NUP98: variants seen among roughly 807,000 people sequenced by gnomAD.
The protein encoded by NUP98 is nucleoporin 98 and 96 precursor.
A neutral mutation model predicts 191.9 loss-of-function variants in NUP98; 26 were observed. The ratio of observed to expected loss-of-function variants is 0.14; its 90% confidence interval spans 0.10 to 0.19. NUP98 has a LOEUF of 0.19. NUP98 is among the 10% of genes least tolerant of loss of function. The probability of loss-of-function intolerance (pLI) is 1.00; values close to 1 mark genes in which losing one functional copy is unlikely to be tolerated. For missense variants in NUP98, 1,941 were observed against 2,178.8 expected, an observed-to-expected ratio of 0.89 and a Z score of 2.17; for synonymous variants, 808 against 778.4, an observed-to-expected ratio of 1.04 and a Z score of -0.63.
At chr11:3,699,951 G>C (rs1351112158) in intron 24 of NUP98, among the ~76,000 whole-genome samples, 1 of 152,078 alleles carries the variant, frequency 6.6e-6, no homozygotes, top group African/African-American at 2.4e-5. Context: ...ACATGGTCAT[G>C]ATAGATGAGA....
At chr11:3,745,224 T>C (rs1366906935) in intron 11 of NUP98, among the ~76,000 whole-genome samples, 1 of 152,214 alleles carries the variant, frequency 6.6e-6, no homozygotes, top group African/African-American at 2.4e-5. Context: ...AACACAATCA[T>C]GTCATCTTTC....
chr11:3,753,327 C>T lies in NUP98; in HGVS notation c.1256G>A (p.Gly419Glu). 6.2e-7 allele frequency: 1 copy of T among 1,613,850 alleles called. No homozygotes were observed. The highest frequency in any genetic ancestry group is 8.5e-7 in the Non-Finnish European group (1 of 1,179,802). The change falls in exon 11 of 33, where the codon GGA becomes GAA. Residue 419 changes from glycine to glutamate, a missense_variant. Gly to Glu is a moderately conservative substitution (Grantham distance 98). Around this residue, in one of 6 missense-constraint regions of NUP98, gnomAD observed 453 missense variants for 438.2 expected, o/e 1.03. Coordinates refer to ENST00000324932, the MANE Select transcript of NUP98 (RefSeq NM_016320.5). ...TAGCAGTTTCTTACCTGTTCCAAAT[C>T]CTGCACCAAGCCCAGTTCCAAGAGT... Reference protein sequence around the residue: ...PGTLGTGLGAGFGTALGAGQA... With the variant: ...PGTLGTGLGAEFGTALGAGQA...
chr11:3,734,372 A>G (rs2079967174), intron 13 of NUP98, among the ~76,000 whole-genome samples: 1 of 152,232 alleles, frequency 6.6e-6, no homozygotes, highest in Non-Finnish European at 1.5e-5. Context: ...ACAACAAAAT[A>G]AAAAGCTGAG....
chr11:3,774,883 C>T (rs1468759340), intron 5 of NUP98, among the ~76,000 whole-genome samples: 1 of 152,128 alleles, frequency 6.6e-6, no homozygotes, highest in Non-Finnish European at 1.5e-5. Flanking sequence ...ACTTCAAATT[C>T]GGGGTTGTAA....
At chr11:3,754,975 TCAAA>T (rs201272172) in intron 10 of NUP98, among the ~76,000 whole-genome samples, 7,433 of 143,292 alleles carry the variant, frequency 0.052, 247 homozygotes, top group Middle Eastern at 0.11. Context: ...TCCATAGGTA[TCAAA>T]CAAAGATCCT....
At chr11:3,706,007 A>G (rs2078847793) in intron 21 of NUP98, among the ~76,000 whole-genome samples, 1 of 151,196 alleles carries the variant, frequency 6.6e-6, no homozygotes, top group Non-Finnish European at 1.5e-5. Flanking sequence ...AAAAAAAAAA[A>G]AAAAAAAAAG....
chr11:3,730,337 A>G (rs1431689720), intron 14 of NUP98, among the ~76,000 whole-genome samples: 2 of 152,032 alleles, frequency 1.3e-5, no homozygotes, highest in Non-Finnish European at 2.9e-5. Flanking sequence ...TAGACTTTCC[A>G]TCTTTGGTGA....
chr11:3,739,732 T>C (rs2080209221), intron 12 of NUP98, among the ~76,000 whole-genome samples: 1 of 152,088 alleles, frequency 6.6e-6, no homozygotes. Flanking sequence ...CTAACAAATT[T>C]CTAGGGGAAA....
chr11:3,693,110 G>A (rs1354907340), intron 27 of NUP98, 122 bp downstream of exon 27: 1 of 926,382 alleles, frequency 1.1e-6, no homozygotes, highest in Admixed American at 2.3e-5. Flanking sequence ...ACTTGGGGAA[G>A]TAGCCTTGTC....
chr11:3,795,459 C>T (rs1308154269), intron 1 of NUP98, among the ~76,000 whole-genome samples: 1 of 151,914 alleles, frequency 6.6e-6, no homozygotes, highest in East Asian at 1.9e-4. Context: ...AATAAATAAA[C>T]AAATAAATGT....
At chr11:3,750,637 T>TG (rs145094842) in intron 11 of NUP98, among the ~76,000 whole-genome samples, 7,658 of 152,092 alleles carry the variant, frequency 0.05, 248 homozygotes, top group Middle Eastern at 0.099. Flanking sequence ...TTTTTTTGTT[T>TG]TTTGTTTTAG....
intron 4 of NUP98, 141 bp downstream of exon 4, chr11:3,778,732 T>C (rs2081842008): frequency 1.3e-6 from 1 of 747,768 alleles, no homozygotes; most frequent in South Asian, 1.8e-5. Context: ...TTTCAGTACA[T>C]ATTGAAGTTT....
At chr11:3,710,665 G>A (rs1027066467) in intron 20 of NUP98, among the ~76,000 whole-genome samples, 2 of 152,146 alleles carry the variant, frequency 1.3e-5, no homozygotes, top group Admixed American at 6.5e-5. Context: ...AACGGCACAA[G>A]TAGTTTCCCC....
chr11:3,725,617 A>G (rs2079586411), intron 14 of NUP98, among the ~76,000 whole-genome samples: 1 of 152,194 alleles, frequency 6.6e-6, no homozygotes, highest in Admixed American at 6.5e-5. Context: ...CTGTCTCACC[A>G]TAGAACTCAT....
chr11:3,712,473 G>T, intron 20 of NUP98, 91 bp downstream of exon 20: 2 of 1,566,192 alleles, frequency 1.3e-6, no homozygotes, highest in South Asian at 2.4e-5. Flanking sequence ...AAGTTCCAAG[G>T]GTCATAAAAC....
At chr11:3,755,885 C>G (rs974060127) in intron 10 of NUP98, among the ~76,000 whole-genome samples, 1 of 152,080 alleles carries the variant, frequency 6.6e-6, no homozygotes, top group Non-Finnish European at 1.5e-5. Flanking sequence ...GCTGCTTGAA[C>G]CTGGGAGGCG....
intron 1 of NUP98, among the ~76,000 whole-genome samples, chr11:3,783,244 C>A (rs143181756): frequency 1.3e-3 from 202 of 151,132 alleles, no homozygotes; most frequent in Non-Finnish European, 2.4e-3. Context: ...CAAAGTTGGA[C>A]TGGTGTGGTG....
chr11:3,760,427 G>A (rs762452331), intron 10 of NUP98, 112 bp downstream of exon 10: 45 of 1,449,058 alleles, frequency 3.1e-5, no homozygotes, highest in Non-Finnish European at 4.1e-5. Flanking sequence ...CGAATCAGGA[G>A]AATAACGTGT....
intron 31 of NUP98, chr11:3,676,830 A>C: frequency 1.5e-6 from 1 of 661,530 alleles, no homozygotes; most frequent in East Asian, 2.8e-5. Context: ...ACAGTTACCT[A>C]GCCTTGGACT....
Sources: gnomAD v4.1 joint callset for allele counts (sites outside exome capture counted in the v4.1 genomes callset) on GRCh38, gnomAD v4.1.1 for gene constraint, gnomAD v4.1.1 regional missense constraint, MANE v1.5 for transcripts, NCBI Gene and HGNC (gene_info 2026-07-23, HGNC 2026-07-21) for gene names.